Variants in GRM7 observed in about 807,000 individuals in gnomAD.
GRM7 encodes the protein glutamate metabotropic receptor 7, also known as metabotropic glutamate receptor 7.
Under a neutral mutation model 84.5 loss-of-function variants are expected in GRM7, and 35 were observed. The observed-to-expected ratio is 0.41, with a 90% CI of 0.32 to 0.55. GRM7 has a LOEUF of 0.55. Ranked by LOEUF, GRM7 falls within the 20% of genes least tolerant of loss-of-function variation. GRM7 has a pLI of 0.19. For synonymous variants in GRM7, 487 were observed against 455.1 expected (o/e 1.07, Z -0.89); for missense variants, 1,003 against 1,194.6 (o/e 0.84, Z 2.36).
chr3:6,979,017 TAGTG>T (rs1694100617), intron 1 of GRM7, among the ~76,000 whole-genome samples: 1 of 152,234 alleles, frequency 6.6e-6, no homozygotes, highest in African/African-American at 2.4e-5. Flanking sequence ...CTCAGCCAAA[TAGTG>T]AGTAAGGAGA....
chr3:7,508,312 A>T (rs1270387722), intron 7 of GRM7, among the ~76,000 whole-genome samples: 1 of 152,162 alleles, frequency 6.6e-6, no homozygotes, highest in Non-Finnish European at 1.5e-5. Flanking sequence ...GGTAAATAAT[A>T]GTTGAGATTT....
intron 1 of GRM7, among the ~76,000 whole-genome samples, chr3:7,066,891 A>T (rs961308086): frequency 2.6e-5 from 4 of 151,962 alleles, no homozygotes; most frequent in Non-Finnish European, 5.9e-5. Flanking sequence ...TAAATATGAC[A>T]CGCCACATAA....
At chr3:7,441,664 G>A (rs1371494116) in intron 5 of GRM7, among the ~76,000 whole-genome samples, 1 of 152,124 alleles carries the variant, frequency 6.6e-6, no homozygotes, top group African/African-American at 2.4e-5. Flanking sequence ...TGTATATGGT[G>A]TAAGGAGGTG....
At chr3:7,107,941 T>G (rs529053308) in intron 1 of GRM7, among the ~76,000 whole-genome samples, 1 of 151,990 alleles carries the variant, frequency 6.6e-6, no homozygotes, top group East Asian at 1.9e-4. Context: ...AGGCAGATGT[T>G]TGAGCATTCA....
intron 2 of GRM7, among the ~76,000 whole-genome samples, chr3:7,149,559 A>G (rs1374524193): frequency 6.6e-6 from 1 of 152,182 alleles, no homozygotes; most frequent in Non-Finnish European, 1.5e-5. Context: ...CGAAAAAGTC[A>G]CCCTCACAAA....
chr3:7,507,225 A>G (rs1238728673), intron 7 of GRM7, among the ~76,000 whole-genome samples: 1 of 152,222 alleles, frequency 6.6e-6, no homozygotes, highest in Admixed American at 6.5e-5. Flanking sequence ...AGGCTGAGAA[A>G]GAGGCAGGGA....
At chr3:7,166,193 A>AC (rs1694793012) in intron 2 of GRM7, among the ~76,000 whole-genome samples, 2 of 152,082 alleles carry the variant, frequency 1.3e-5, no homozygotes, top group Non-Finnish European at 2.9e-5. Context: ...TTAAATTATG[A>AC]ACTTTCTTTA....
chr3:7,634,145 T>G (rs1378580823), intron 8 of GRM7, among the ~76,000 whole-genome samples: 1 of 152,168 alleles, frequency 6.6e-6, no homozygotes, highest in Non-Finnish European at 1.5e-5. Context: ...TGCTCAGAAT[T>G]ATGCTTGGAT....
chr3:7,700,111 T>G (rs1701172756), intron 9 of GRM7, among the ~76,000 whole-genome samples: 2 of 152,340 alleles, frequency 1.3e-5, no homozygotes, highest in Non-Finnish European at 2.9e-5. Context: ...CTAGGACTTT[T>G]GGGAGATCAG....
intron 1 of GRM7, among the ~76,000 whole-genome samples, chr3:6,994,944 A>G (rs1308549459): frequency 6.6e-6 from 1 of 152,290 alleles, no homozygotes; most frequent in East Asian, 1.9e-4. Context: ...CTACACTTTC[A>G]CATCATAGGT....
At chr3:7,045,152 G>A (rs1474674707) in intron 1 of GRM7, among the ~76,000 whole-genome samples, 1 of 152,160 alleles carries the variant, frequency 6.6e-6, no homozygotes, top group South Asian at 2.1e-4. Flanking sequence ...ATAAGTTGAC[G>A]TGTTAGGGCT....
intron 1 of GRM7, among the ~76,000 whole-genome samples, chr3:7,129,776 C>G (rs545350310): frequency 8.5e-5 from 13 of 152,146 alleles, no homozygotes; most frequent in Non-Finnish European, 1.9e-4. Context: ...CATACCAGCT[C>G]TGAATTCTTT....
chr3:7,099,771 ACG>A (rs1574902807), intron 1 of GRM7, among the ~76,000 whole-genome samples: 3 of 84,390 alleles, frequency 3.6e-5, no homozygotes, highest in East Asian at 6.3e-4. Flanking sequence ...GTATATGTAC[ACG>A]CATTATACAT....
chr3:7,635,163 T>C (rs2125099905), intron 8 of GRM7, among the ~76,000 whole-genome samples: 1 of 152,368 alleles, frequency 6.6e-6, no homozygotes, highest in Admixed American at 6.5e-5. Context: ...ATGCGGCTAA[T>C]GGCCGCCATC....
At chr3:7,502,650 C>T (rs1430802893) in intron 7 of GRM7, among the ~76,000 whole-genome samples, 2 of 152,056 alleles carry the variant, frequency 1.3e-5, no homozygotes, top group Admixed American at 1.3e-4. Context: ...ACTATTTTTT[C>T]TGTCCCACAG....
rs140754490 is a variant in GRM7 at position 7,680,117 on chromosome 3, A to G, written c.2520A>G (p.Leu840=). The change falls in exon 9 of 10, where the codon CTA becomes CTG. Residue 840 remains leucine, a synonymous_variant. Transcript: ENST00000357716. ...GTGCATCAGTGGCGCTGGGGATGCT[A>G]TACATGCCGAAAGTGTACATCATCA... ...NLSASVALGM[L]YMPKVYIIIF... 26 of 1,613,776 alleles carry G rather than the reference A, an allele frequency of 1.6e-5. No individual in the cohort carries two copies. Among genetic ancestry groups the G allele is most frequent in the African/African-American group, 1.1e-4 (8 of 74,906 alleles).
chr3:7,136,350 A>T lies in GRM7; in HGVS notation c.520-10102A>T, dbSNP rs541556179. On this transcript the variant is annotated intron_variant, in intron 1 of 9. Coordinates refer to ENST00000357716, the MANE Select transcript of GRM7 (RefSeq NM_000844.4). ...AGAAACTGCCTCTTTAAAATGACAA[A>T]TCCTAGTTATGTCTGGCAAAGTTTG... 1.3e-3 allele frequency among the ~76,000 whole-genome samples: 194 copies of T among 152,004 alleles called. 2 individuals are homozygous for T. Among genetic ancestry groups the T allele is most frequent in the African/African-American group, 4.6e-3 (190 of 41,470 alleles).
intron 1 of GRM7, among the ~76,000 whole-genome samples, chr3:7,077,659 C>T (rs1302359003): frequency 2.6e-5 from 4 of 151,936 alleles, no homozygotes; most frequent in Middle Eastern, 6.8e-3. Context: ...CACCATGGCA[C>T]GTGTATACCT....
intron 9 of GRM7, chr3:7,686,281 G>A (rs1423329549): frequency 1.0e-5 from 7 of 695,786 alleles, no homozygotes; most frequent in Non-Finnish European, 1.8e-5. Flanking sequence ...TTCCCAAAAG[G>A]AAAATAATAA....
Sources: allele counts gnomAD v4.1 joint callset (sites outside exome capture counted in the v4.1 genomes callset), GRCh38; gene constraint gnomAD v4.1.1; transcripts MANE v1.5; gene names NCBI Gene and HGNC (gene_info 2026-07-23, HGNC 2026-07-21).